Variants in SLC45A2 observed in about 807,000 individuals in gnomAD.
The protein encoded by SLC45A2 is solute carrier family 45 member 2, also known as membrane-associated transporter protein.
SLC45A2 carries 36 observed loss-of-function variants against 45.5 expected under a neutral mutation model. The observed-to-expected ratio is 0.79, with a 90% CI of 0.61 to 1.04. The LOEUF (loss-of-function observed/expected upper bound fraction) is 1.04, where lower values mean the gene tolerates loss of function less well. Among genes scored for constraint, SLC45A2 ranks in the 50% least tolerant of loss-of-function variants. The pLI, the probability that SLC45A2 is intolerant of heterozygous loss-of-function variation, is 0.00. For synonymous variants in SLC45A2, 306 were observed against 269.3 expected (o/e 1.14, Z -1.33); for missense variants, 719 against 671.0 (o/e 1.07, Z -0.79).
In SLC45A2 at chr5:33,951,550, T is replaced by G. The variant is rs760709591; in HGVS notation, c.1156+4A>C. On this transcript the variant is annotated splice_donor_region_variant and intron_variant, in intron 5 of 6. Coordinates refer to ENST00000296589, the MANE Select transcript of SLC45A2 (RefSeq NM_016180.5). ...AGACATCCTTAGGAGAGAGAAAGAC[T>G]TACAAGAATAAAGTGAGGAAAACAC... 4 of 1,614,090 alleles carry G rather than the reference T, an allele frequency of 2.5e-6. No individual in the cohort carries two copies. In the South Asian group the frequency reaches 4.4e-5, roughly 18 times the overall value.
At position 33,946,976 on chromosome 5, in the gene SLC45A2, A is replaced by AGCCGG. The variant is rs1554054004; in HGVS notation, c.1368+186_1368+187insCCGGC. The AGCCGG allele has an allele frequency of 2.6e-6, 4 of 1,536,222 alleles. No homozygotes were observed. In the African/African-American group the frequency reaches 5.4e-5, roughly 21 times the overall value. ...GAGTTGAGAATAAGGAGGACAGGAC[A>AGCCGG]GCTGGGCTGGGCTGGGCTGGTGAGC... is the stretch of plus-strand genomic sequence containing the variant. On this transcript the variant is annotated intron_variant, in intron 6 of 6. Transcript: ENST00000296589.
chr5:33,965,911 C>A (rs554731308), intron 2 of SLC45A2, among the ~76,000 whole-genome samples: 267 of 152,344 alleles, frequency 1.8e-3, no homozygotes, highest in African/African-American at 6.2e-3. Context: ...TTTAGAACCC[C>A]TGACCTAAGT....
intron 5 of SLC45A2, 142 bp from the exon 6 acceptor site, chr5:33,947,516 T>C (rs1303036667): frequency 3.5e-6 from 3 of 849,826 alleles, no homozygotes; most frequent in African/African-American, 3.4e-5. Flanking sequence ...CCCTTATCTG[T>C]GGGTTGAAAA....
intron 4 of SLC45A2, among the ~76,000 whole-genome samples, chr5:33,953,900 G>T (rs1488922765): frequency 8.6e-6 from 1 of 116,400 alleles, no homozygotes; most frequent in East Asian, 2.3e-4. Context: ...AAAAGGCAGG[G>T]GTTGCAATCC....
intron 3 of SLC45A2, among the ~76,000 whole-genome samples, chr5:33,960,831 A>T (rs1481027461): frequency 6.6e-6 from 1 of 152,202 alleles, no homozygotes; most frequent in Non-Finnish European, 1.5e-5. Context: ...TGTTTACCTA[A>T]CAGTATTGAA....
chr5:33,969,523 T>C (rs35414), intron 2 of SLC45A2, among the ~76,000 whole-genome samples: 68,417 of 152,084 alleles, frequency 0.45, 20,401 homozygotes, highest in Non-Finnish European at 0.65. Flanking sequence ...GCCTCGTTGC[T>C]TTGAGGACAG....
intron 5 of SLC45A2, 34 bp from the exon 6 acceptor site, chr5:33,947,408 G>A (rs940327127): frequency 2.6e-6 from 4 of 1,557,964 alleles, no homozygotes; most frequent in East Asian, 2.2e-5. Context: ...ATTACAGCTG[G>A]CAGTGCCTCA....
rs372015410 is a variant in SLC45A2, at chr5:33,955,658, A to AAC, written c.889-1156_889-1155dup. ...ATATGTTTATACACACACACACACA[A>AAC]ACACACACACACACACACGGTCTTC... On this transcript the variant is annotated intron_variant, in intron 3 of 6. Coordinates refer to ENST00000296589, the MANE Select transcript of SLC45A2 (RefSeq NM_016180.5). 8.8e-3 allele frequency among the ~76,000 whole-genome samples: 1,327 copies of AAC among 149,970 alleles called. 14 individuals carry two copies. Among genetic ancestry groups the AAC allele is most frequent in the African/African-American group, 0.029 (1,178 of 41,014 alleles).
chr5:33,979,169 T>C (rs1753006810), intron 2 of SLC45A2, among the ~76,000 whole-genome samples: 1 of 152,184 alleles, frequency 6.6e-6, no homozygotes, highest in Non-Finnish European at 1.5e-5. Flanking sequence ...CTTGGTTTTA[T>C]ACATTTTAGG....
chr5:33,971,601 A>G (rs1015346624), intron 2 of SLC45A2, among the ~76,000 whole-genome samples: 3 of 151,892 alleles, frequency 2.0e-5, no homozygotes, highest in African/African-American at 7.3e-5. Context: ...ACCATGCCCA[A>G]CTAATTTTTA....
intron 3 of SLC45A2, among the ~76,000 whole-genome samples, chr5:33,960,482 A>G (rs988081125): frequency 6.6e-6 from 1 of 152,176 alleles, no homozygotes; most frequent in South Asian, 2.1e-4. Context: ...ATTGAAGAAT[A>G]TTATTCTAAG....
chr5:33,958,427 G>A (rs1262723911), intron 3 of SLC45A2, among the ~76,000 whole-genome samples: 2 of 152,170 alleles, frequency 1.3e-5, no homozygotes, highest in Non-Finnish European at 2.9e-5. Context: ...CACACATTTG[G>A]AAGAGAAGTG....
intron 1 of SLC45A2, among the ~76,000 whole-genome samples, chr5:33,982,913 C>T (rs1753121792): frequency 6.6e-6 from 1 of 152,236 alleles, no homozygotes; most frequent in African/African-American, 2.4e-5. Context: ...GCTTTAAGGC[C>T]TCCTTTTACG....
chr5:33,944,630 C>G lies in SLC45A2; in HGVS notation c.*18G>C. On this transcript the variant is annotated 3_prime_UTR_variant, in exon 7 of 7. Coordinates refer to ENST00000296589, the MANE Select transcript of SLC45A2 (RefSeq NM_016180.5). ...GCTTCACTGTCTCTGAGGTTAGGGT[C>G]ATTGTCTCTTTATTGACCTAATCCA... The G allele has an allele frequency of 1.2e-6, 2 of 1,612,442 alleles. No individual in the cohort carries two copies. Among genetic ancestry groups the G allele is most frequent in the Non-Finnish European group, 1.7e-6 (2 of 1,178,720 alleles).
chr5:33,957,052 G>C (rs1239398884), intron 3 of SLC45A2, among the ~76,000 whole-genome samples: 1 of 152,034 alleles, frequency 6.6e-6, no homozygotes, highest in Non-Finnish European at 1.5e-5. Context: ...AGAAGCTATA[G>C]TTTTTCTGGT....
chr5:33,950,029 A>C (rs1222984553), intron 5 of SLC45A2, among the ~76,000 whole-genome samples: 1 of 152,026 alleles, frequency 6.6e-6, no homozygotes, highest in Non-Finnish European at 1.5e-5. Context: ...CTCTAAAAAA[A>C]AAATTTTTTT....
At chr5:33,979,885 C>T (rs1374419970) in intron 2 of SLC45A2, among the ~76,000 whole-genome samples, 3 of 152,126 alleles carry the variant, frequency 2.0e-5, no homozygotes, top group Admixed American at 6.5e-5. Flanking sequence ...GTTTACAATA[C>T]TATCATGTAT....
intron 6 of SLC45A2, chr5:33,946,278 G>A: frequency 1.0e-6 from 1 of 985,396 alleles, no homozygotes; most frequent in African/African-American, 1.7e-5. Context: ...TTTTTTGAAA[G>A]GTTTTTACTC....
At chr5:33,980,652 T>C (rs1753049526) in intron 2 of SLC45A2, among the ~76,000 whole-genome samples, 1 of 151,972 alleles carries the variant, frequency 6.6e-6, no homozygotes, top group African/African-American at 2.4e-5. Context: ...AAACAACAGG[T>C]CTGCTCAGCT....
Sources: allele counts gnomAD v4.1 joint callset (sites outside exome capture counted in the v4.1 genomes callset), GRCh38; gene constraint gnomAD v4.1.1; transcripts MANE v1.5; gene names NCBI Gene and HGNC (gene_info 2026-07-23, HGNC 2026-07-21).